Variants in RNF38 observed in about 807,000 individuals in gnomAD.
The protein encoded by RNF38 is ring finger protein 38, also known as E3 ubiquitin-protein ligase RNF38.
Under a neutral mutation model 67.2 loss-of-function variants are expected in RNF38, and 15 were observed. The observed-to-expected ratio is 0.22, with a 90% CI of 0.15 to 0.34. The LOEUF (loss-of-function observed/expected upper bound fraction) is 0.34, where lower values mean the gene tolerates loss of function less well. Ranked by LOEUF, RNF38 falls within the 10% of genes least tolerant of loss-of-function variation. The probability of loss-of-function intolerance (pLI) is 1.00; values close to 1 mark genes in which losing one functional copy is unlikely to be tolerated. For missense variants in RNF38, 524 were observed against 639.9 expected, an observed-to-expected ratio of 0.82 and a Z score of 1.95; for synonymous variants, 220 against 218.8, an observed-to-expected ratio of 1.01 and a Z score of -0.05.
At chr9:36,364,987 T>C (rs1392835832) in intron 4 of RNF38, among the ~76,000 whole-genome samples, 2 of 152,186 alleles carry the variant, frequency 1.3e-5, no homozygotes, top group Non-Finnish European at 2.9e-5. Flanking sequence ...TTGTGGGCCA[T>C]GGTCTCTGCA....
chr9:36,336,461 G>A lies in RNF38; in HGVS notation c.*3291C>T, dbSNP rs1587438273. The A allele has an allele frequency of 6.6e-6, 1 of 151,416 alleles. No homozygotes were observed. The highest frequency in any genetic ancestry group is 1.5e-5 in the Non-Finnish European group (1 of 67,856). The allele number at this position is 151,416 out of a possible 1,614,324, so 9.4% of individuals were successfully genotyped here. A position where few individuals can be genotyped will look rare whatever the true frequency, so the allele number is the denominator to read the frequency against. ...CTCTCAACTCCAAAATTGGGCACAG[G>A]GATTAAAAATAAAAATTCATTGCAC... On this transcript the variant is annotated 3_prime_UTR_variant, in exon 12 of 12. Transcript: ENST00000259605.
At chr9:36,413,301 G>A (rs1394714593) in intron 2 of RNF38, among the ~76,000 whole-genome samples, 4 of 150,842 alleles carry the variant, frequency 2.7e-5, no homozygotes, top group Non-Finnish European at 2.9e-5. Context: ...ATGTGATATC[G>A]CCTCCTTTCC....
chr9:36,373,992 G>A (rs1319249961), intron 3 of RNF38, among the ~76,000 whole-genome samples: 6 of 152,018 alleles, frequency 3.9e-5, no homozygotes, highest in Non-Finnish European at 8.8e-5. Flanking sequence ...CGCCCGGCCT[G>A]CCTTTTAACT....
At chr9:36,429,107 T>G (rs1396103873) in intron 1 of RNF38, among the ~76,000 whole-genome samples, 1 of 152,256 alleles carries the variant, frequency 6.6e-6, no homozygotes, top group Non-Finnish European at 1.5e-5. Context: ...AAGATGCATT[T>G]CTTTGCCAAT....
intron 2 of RNF38, among the ~76,000 whole-genome samples, chr9:36,412,775 A>G (rs1042996820): frequency 3.3e-5 from 5 of 152,196 alleles, no homozygotes; most frequent in African/African-American, 1.2e-4. Context: ...ATCTCTGCTA[A>G]AAATACAAAA....
chr9:36,376,883 G>A (rs1481132233), intron 2 of RNF38, among the ~76,000 whole-genome samples: 13 of 141,270 alleles, frequency 9.2e-5, no homozygotes, highest in Admixed American at 8.3e-4. Context: ...CTGAGATCAC[G>A]CCATGGCACC....
At chr9:36,355,476 C>G (rs889959317) in intron 6 of RNF38, among the ~76,000 whole-genome samples, 1 of 152,188 alleles carries the variant, frequency 6.6e-6, no homozygotes, top group African/African-American at 2.4e-5. Flanking sequence ...AACAGACTAC[C>G]TCATCTGCTT....
intron 2 of RNF38, 147 bp downstream of exon 2, chr9:36,390,320 T>C: frequency 1.7e-6 from 1 of 588,218 alleles, no homozygotes; most frequent in Admixed American, 3.9e-5. Flanking sequence ...GCTGAAAAAA[T>C]ATTAAAGTCC....
intron 1 of RNF38, among the ~76,000 whole-genome samples, chr9:36,399,334 G>A (rs1225280972): frequency 2.0e-5 from 3 of 152,014 alleles, no homozygotes; most frequent in African/African-American, 2.4e-5. Flanking sequence ...CACATGACGA[G>A]TCTGTGGCAG....
intron 1 of RNF38, among the ~76,000 whole-genome samples, chr9:36,457,444 T>C (rs2134360089): frequency 6.6e-6 from 1 of 152,378 alleles, no homozygotes; most frequent in South Asian, 2.1e-4. Context: ...CCAACTGAGT[T>C]CTGCTTACAC....
chr9:36,454,999 A>C (rs1172338715), intron 1 of RNF38, among the ~76,000 whole-genome samples: 3 of 152,158 alleles, frequency 2.0e-5, no homozygotes, highest in Non-Finnish European at 4.4e-5. Flanking sequence ...CAAACTCATC[A>C]GTATTCAACT....
At chr9:36,477,588 G>A (rs1019842078) in intron 1 of RNF38, among the ~76,000 whole-genome samples, 10 of 151,928 alleles carry the variant, frequency 6.6e-5, no homozygotes, top group Admixed American at 6.6e-5. Context: ...TTGGGAGGCT[G>A]AGGCAGGCGG....
At chr9:36,403,990 A>T (rs887249189), upstream of RNF38, among the ~76,000 whole-genome samples, 2 of 152,158 alleles carry the variant, frequency 1.3e-5, no homozygotes, top group African/African-American at 4.8e-5. Flanking sequence ...TTGTGTTTCT[A>T]GTTGCTGTCA....
At position 36,375,923 on chromosome 9, in the gene RNF38, A is replaced by C. The variant is rs1835752784; in HGVS notation, c.356+11T>G. 8 of 1,586,892 alleles carry C rather than the reference A, an allele frequency of 5.0e-6. No homozygotes were observed. The highest frequency in any genetic ancestry group is 6.8e-6 in the Non-Finnish European group (8 of 1,171,006). ...GAAGAAAACTTAAGAAATAAATTGT[A>C]ATCAACTAACCTTCTTCTGTTGCGT... On this transcript the variant is annotated intron_variant, in intron 3 of 11. Coordinates refer to ENST00000259605, the MANE Select transcript of RNF38 (RefSeq NM_022781.5).
At chr9:36,479,991 T>G (rs1840211120) in intron 1 of RNF38, among the ~76,000 whole-genome samples, 1 of 152,120 alleles carries the variant, frequency 6.6e-6, no homozygotes, top group Non-Finnish European at 1.5e-5. Flanking sequence ...ATTTTTTTAT[T>G]TTTTTGAGAT....
chr9:36,403,532 A>C (rs905435872), upstream of RNF38, among the ~76,000 whole-genome samples: 3 of 152,230 alleles, frequency 2.0e-5, no homozygotes, highest in Non-Finnish European at 4.4e-5. Context: ...CTCCCTTTAA[A>C]AAACTGGTTT....
At chr9:36,451,020 T>C (rs1355846849) in intron 1 of RNF38, among the ~76,000 whole-genome samples, 1 of 152,190 alleles carries the variant, frequency 6.6e-6, no homozygotes, top group Admixed American at 6.5e-5. Flanking sequence ...AAAGTATACT[T>C]AAATACGACT....
intron 1 of RNF38, among the ~76,000 whole-genome samples, chr9:36,462,915 T>G (rs1328847063): frequency 6.6e-6 from 1 of 152,032 alleles, no homozygotes; most frequent in African/African-American, 2.4e-5. Context: ...CCTCAGGTGA[T>G]CTGCCTGCCT....
chr9:36,364,023 G>GT lies in RNF38; in HGVS notation c.570+5695dup, dbSNP rs1465703715. On this transcript the variant is annotated intron_variant, in intron 4 of 11. Transcript: ENST00000259605. ...CTTTCGTGTTTTTAGTAGAGATGGG[G>GT]TGTCACCATGTTGGCCAGGCTGGCT... is the stretch of plus-strand genomic sequence containing the variant. Among the ~76,000 whole-genome samples the GT allele has an allele frequency of 4.1e-5, 4 of 97,504 alleles. 2 individuals carry two copies. The highest frequency in any genetic ancestry group is 1.2e-4 in the African/African-American group (4 of 32,422). 64.0% of individuals were successfully genotyped at this position (97,504 alleles called of 152,430 possible).
Sources: allele counts gnomAD v4.1 joint callset (sites outside exome capture counted in the v4.1 genomes callset), GRCh38; gene constraint gnomAD v4.1.1; transcripts MANE v1.5; gene names NCBI Gene and HGNC (gene_info 2026-07-23, HGNC 2026-07-21).